The following SNTG1 variants were observed in gnomAD, a reference collection of about 807,000 sequenced individuals.
SNTG1 encodes syntrophin gamma 1.
SNTG1 carries 39 observed loss-of-function variants against 74.7 expected under a neutral mutation model. That is an observed-to-expected ratio of 0.52 (90% CI 0.40 to 0.68). The LOEUF is 0.68. SNTG1 is among the 30% of genes least tolerant of loss of function. The probability of loss-of-function intolerance (pLI) is 0.00; values close to 1 mark genes in which losing one functional copy is unlikely to be tolerated. For missense variants in SNTG1, 685 were observed against 609.5 expected, an observed-to-expected ratio of 1.12 and a Z score of -1.30; for synonymous variants, 254 against 217.1, an observed-to-expected ratio of 1.17 and a Z score of -1.49.
chr8:50,401,934 T>TA (rs1183682107), intron 3 of SNTG1, among the ~76,000 whole-genome samples: 1 of 152,234 alleles, frequency 6.6e-6, no homozygotes, highest in Non-Finnish European at 1.5e-5. Flanking sequence ...CTCATTATTT[T>TA]AAAAATGTAG....
intron 2 of SNTG1, among the ~76,000 whole-genome samples, chr8:50,269,259 C>A (rs2087650050): frequency 6.6e-6 from 1 of 151,906 alleles, no homozygotes; most frequent in African/African-American, 2.4e-5. Context: ...AAAATATTCA[C>A]CATATAAAAT....
At chr8:50,654,061 G>A (rs372644326) in intron 13 of SNTG1, among the ~76,000 whole-genome samples, 64 of 152,096 alleles carry the variant, frequency 4.2e-4, no homozygotes, top group African/African-American at 1.4e-3. Context: ...GCCTTGGTGT[G>A]CTTATATTTA....
chr8:50,053,515 GA>G (rs1320584713), intron 1 of SNTG1, among the ~76,000 whole-genome samples: 5 of 151,610 alleles, frequency 3.3e-5, no homozygotes. Context: ...TGCTATCCTG[GA>G]ATATAATAAA....
At chr8:50,120,664 C>A (rs1397177355) in intron 1 of SNTG1, among the ~76,000 whole-genome samples, 1 of 142,140 alleles carries the variant, frequency 7.0e-6, no homozygotes. Flanking sequence ...ACCACTATTA[C>A]CGCTGTTATC....
intron 11 of SNTG1, among the ~76,000 whole-genome samples, chr8:50,552,844 T>G (rs2094434869): frequency 6.6e-6 from 1 of 152,238 alleles, no homozygotes; most frequent in African/African-American, 2.4e-5. Flanking sequence ...AGATGCTTCC[T>G]ACGAAATTGA....
chr8:50,501,962 G>T (rs867808530), intron 8 of SNTG1, among the ~76,000 whole-genome samples: 1 of 151,958 alleles, frequency 6.6e-6, no homozygotes, highest in African/African-American at 2.4e-5. Flanking sequence ...AGGTGTGTTT[G>T]CTATAAGTAA....
chr8:50,522,184 T>C (rs983247768), intron 9 of SNTG1, among the ~76,000 whole-genome samples: 1 of 152,094 alleles, frequency 6.6e-6, no homozygotes. Context: ...GCAGAATGGA[T>C]TTTGTGTTAG....
chr8:50,450,606 A>G lies in SNTG1; in HGVS notation c.321+7A>G, dbSNP rs1272493591. On this transcript the variant is annotated splice_region_variant and intron_variant, in intron 7 of 18. Transcript: ENST00000642720. ...TGGAGATGCAATTCTACAGGTATAC[A>G]TTTTATCACTATATGTGTGGTCAAA... The G allele has an allele frequency of 1.2e-6, 2 of 1,613,524 alleles. No homozygotes were observed. The highest frequency in any genetic ancestry group is 1.1e-5 in the South Asian group (1 of 91,072).
chr8:50,672,152 A>G (rs1278171443), intron 15 of SNTG1, among the ~76,000 whole-genome samples: 1 of 151,658 alleles, frequency 6.6e-6, no homozygotes, highest in Non-Finnish European at 1.5e-5. Context: ...TATGTAACTA[A>G]CCTGCACATT....
chr8:50,363,546 A>T (rs890361275), intron 2 of SNTG1, among the ~76,000 whole-genome samples: 5 of 152,062 alleles, frequency 3.3e-5, no homozygotes, highest in African/African-American at 1.2e-4. Context: ...TAACTTTTAG[A>T]TCCTCAGTTG....
intron 15 of SNTG1, among the ~76,000 whole-genome samples, chr8:50,697,690 T>C (rs1042668402): frequency 6.6e-6 from 1 of 152,220 alleles, no homozygotes; most frequent in Non-Finnish European, 1.5e-5. Context: ...TCTATTGAGA[T>C]GATCATATGA....
intron 9 of SNTG1, among the ~76,000 whole-genome samples, chr8:50,516,251 C>T (rs1331738275): frequency 1.3e-5 from 2 of 151,948 alleles, no homozygotes; most frequent in Non-Finnish European, 1.5e-5. Context: ...ATAGCATCAC[C>T]ATCAACAAAA....
At chr8:49,939,330 C>T (rs1234007657) in intron 1 of SNTG1, among the ~76,000 whole-genome samples, 1 of 152,128 alleles carries the variant, frequency 6.6e-6, no homozygotes, top group Non-Finnish European at 1.5e-5. Flanking sequence ...CCATTAGGCC[C>T]TCATCTATAG....
At chr8:50,163,301 A>G (rs1320733975) in intron 1 of SNTG1, among the ~76,000 whole-genome samples, 5 of 152,090 alleles carry the variant, frequency 3.3e-5, no homozygotes, top group African/African-American at 1.2e-4. Flanking sequence ...CTCAACCATA[A>G]CCTATATAAC....
intron 13 of SNTG1, among the ~76,000 whole-genome samples, chr8:50,592,695 G>A (rs2094700020): frequency 6.6e-6 from 1 of 152,100 alleles, no homozygotes; most frequent in Admixed American, 6.5e-5. Flanking sequence ...TTGCTAGCCT[G>A]TTAATATTAT....
At chr8:50,690,774 C>A (rs1454740095) in intron 15 of SNTG1, among the ~76,000 whole-genome samples, 4 of 152,102 alleles carry the variant, frequency 2.6e-5, no homozygotes, top group Non-Finnish European at 4.4e-5. Context: ...CTGCTTGGTG[C>A]AGATCTGAGT....
intron 1 of SNTG1, among the ~76,000 whole-genome samples, chr8:49,951,893 A>G (rs1472146361): frequency 2.1e-5 from 3 of 140,114 alleles, no homozygotes; most frequent in African/African-American, 8.9e-5. Context: ...AAAAAAAAAA[A>G]AAAAAAAAAA....
chr8:49,914,965 C>A (rs899889225), intron 1 of SNTG1: 1 of 152,102 alleles, frequency 6.6e-6, no homozygotes, highest in African/African-American at 2.4e-5. Context: ...GTGTTTTCTT[C>A]CTATTTAGCT....
rs1278774804 is a variant in SNTG1, at chr8:50,256,438, A to T, written c.-28+83803A>T. Among the ~76,000 whole-genome samples the T allele has an allele frequency of 2.0e-4, 30 of 151,906 alleles. 1 individual carries two copies. Among genetic ancestry groups the T allele is most frequent in the Admixed American group, 2.0e-3 (30 of 15,264 alleles). On this transcript the variant is annotated intron_variant, in intron 2 of 18. Coordinates refer to ENST00000642720, the MANE Select transcript of SNTG1 (RefSeq NM_018967.5). ...ATATTTAAGCCTAAACACCTTATTA[A>T]TCATAACACCATTTATTAATGTATT... is the stretch of plus-strand genomic sequence containing the variant.
Sources: gnomAD v4.1 joint callset for allele counts (sites outside exome capture counted in the v4.1 genomes callset) on GRCh38, gnomAD v4.1.1 for gene constraint, MANE v1.5 for transcripts, NCBI Gene and HGNC (gene_info 2026-07-23, HGNC 2026-07-21) for gene names.